The following SLCO2B1 variants were observed in gnomAD, a reference collection of about 807,000 sequenced individuals.
SLCO2B1 encodes OATP-RP2.
In SLCO2B1, 41 loss-of-function variants were observed where a neutral mutation model predicts 67.3. That is an observed-to-expected ratio of 0.61 (90% CI 0.47 to 0.79). The LOEUF is 0.79. Ranked by LOEUF, SLCO2B1 falls within the 30% of genes least tolerant of loss-of-function variation. SLCO2B1 has a pLI of 0.00. For synonymous variants in SLCO2B1, 379 were observed against 381.4 expected (o/e 0.99, Z 0.07); for missense variants, 837 against 920.1 (o/e 0.91, Z 1.17).
intron 7 of SLCO2B1, among the ~76,000 whole-genome samples, chr11:75,181,536 C>T (rs1393785903): frequency 6.6e-6 from 1 of 152,190 alleles, no homozygotes; most frequent in African/African-American, 2.4e-5. Context: ...GAACCCGAGG[C>T]TGGCAGAGGG....
Position 75,196,444 on chromosome 11 carries a change from C to G in SLCO2B1, c.1434-70C>G, listed in dbSNP as rs539510429. On this transcript the variant is annotated intron_variant, in intron 9 of 13. Coordinates refer to ENST00000289575, the MANE Select transcript of SLCO2B1 (RefSeq NM_007256.5). ...TGGCCATTGCTCTCGGCTACAGGGC[C>G]GAGGATGCCCCAGCTAGTGGCCTAA... 1.6e-4 allele frequency: 243 copies of G among 1,507,124 alleles called. No homozygotes were observed. In the African/African-American group the frequency reaches 2.7e-3, roughly 17 times the overall value. 93.4% of individuals were successfully genotyped at this position (1,507,124 alleles called of 1,614,324 possible).
At chr11:75,177,199 C>T (rs942176784) in intron 7 of SLCO2B1, among the ~76,000 whole-genome samples, 1 of 152,068 alleles carries the variant, frequency 6.6e-6, no homozygotes, top group African/African-American at 2.4e-5. Flanking sequence ...CACACACACA[C>T]TTCAGTCCAA....
rs989634029 is a variant in SLCO2B1 at position 75,197,825 on chromosome 11, T to C, written c.1599+1146T>C. ...CAGTGGGGAAATGAAGGCAATGTAA[T>C]CAGCAGCAGTGCATTCTGAATCTTA... On this transcript the variant is annotated intron_variant, in intron 10 of 13. Coordinates refer to ENST00000289575, the MANE Select transcript of SLCO2B1 (RefSeq NM_007256.5). 2.6e-5 allele frequency among the ~76,000 whole-genome samples: 4 copies of C among 152,194 alleles called. No homozygotes were observed. In the South Asian group the frequency reaches 8.3e-4, roughly 32 times the overall value.
chr11:75,163,759 C>T (rs1449423005), intron 2 of SLCO2B1, among the ~76,000 whole-genome samples: 1 of 151,914 alleles, frequency 6.6e-6, no homozygotes, highest in Non-Finnish European at 1.5e-5. Context: ...TCTTCCCTTT[C>T]TCTCTTTCTC....
intron 4 of SLCO2B1, among the ~76,000 whole-genome samples, chr11:75,167,792 T>A (rs188933273): frequency 1.3e-5 from 2 of 152,236 alleles, no homozygotes; most frequent in Admixed American, 1.3e-4. Flanking sequence ...GGGGAGGAAC[T>A]GCCCCAAGGA....
intron 7 of SLCO2B1, among the ~76,000 whole-genome samples, chr11:75,173,056 G>A (rs1235737754): frequency 6.6e-6 from 1 of 152,136 alleles, no homozygotes; most frequent in Non-Finnish European, 1.5e-5. Flanking sequence ...GAGACCCAGA[G>A]CCAGTGTTGG....
intron 9 of SLCO2B1, 112 bp from the exon 10 acceptor site, chr11:75,196,402 T>G: frequency 9.3e-7 from 1 of 1,072,438 alleles, no homozygotes; most frequent in Non-Finnish European, 1.3e-6. Flanking sequence ...AAATCCTCTG[T>G]GTGGAGCTGA....
Position 75,193,108 on chromosome 11 carries a change from G to T in SLCO2B1, c.1076-110G>T. On this transcript the variant is annotated intron_variant, in intron 8 of 13. Coordinates refer to ENST00000289575, the MANE Select transcript of SLCO2B1 (RefSeq NM_007256.5). The surrounding 1 kb of genome is among the most constrained non-coding windows in gnomAD (Gnocchi z 4.2). ...GATTGCAATAGAATTAAGTGGAATG[G>T]GGCGGGTTAGAAGAAATGGAACTGC... The T allele has an allele frequency of 1.3e-6, 1 of 743,118 alleles. No individual in the cohort carries two copies. Among genetic ancestry groups the T allele is most frequent in the Non-Finnish European group, 2.2e-6 (1 of 447,748 alleles). 46.0% of individuals were successfully genotyped at this position (743,118 alleles called of 1,614,324 possible).
At position 75,203,417 on chromosome 11, in the gene SLCO2B1, C is replaced by T; in HGVS notation, c.1939C>T (p.Leu647Phe). The T allele has an allele frequency of 3.7e-6, 6 of 1,614,156 alleles. 1 individual carries two copies. In the South Asian group the frequency reaches 6.6e-5, roughly 18 times the overall value. The change falls in exon 13 of 14, where the codon CTC (leucine) becomes TTC (phenylalanine). Residue 647 changes from leucine (L) to phenylalanine (F), a missense_variant. Transcript: ENST00000289575. The stretch of plus-strand genomic sequence containing the variant: ...CTGTCGCTACTACAATAATGACCTG[C>T]TCCGAAACCGGTGAGACCTGGTTTG... ...AVCRYYNNDL[L>F]RNRFIGLQFF...
chr11:75,191,774 G>T (rs1403223894), intron 8 of SLCO2B1, among the ~76,000 whole-genome samples: 2 of 152,212 alleles, frequency 1.3e-5, no homozygotes, highest in African/African-American at 4.8e-5. Flanking sequence ...CTTGCCTACT[G>T]CAGGCAGAAA....
At chr11:75,196,264 C>A (rs755268998) in intron 9 of SLCO2B1, 2 of 504,192 alleles carry the variant, frequency 4.0e-6, no homozygotes, top group Non-Finnish European at 3.5e-6. Flanking sequence ...GTAGAAGGGT[C>A]ACTGAGGTGC....
chr11:75,164,571 C>A lies in SLCO2B1; in HGVS notation c.285+471C>A, dbSNP rs575033166. Among the ~76,000 whole-genome samples, 6 of 152,128 alleles carry A rather than the reference C, an allele frequency of 3.9e-5. No homozygotes were observed. In the East Asian group the frequency reaches 1.2e-3, roughly 30 times the overall value. The stretch of plus-strand genomic sequence containing the variant: ...TGGGGATTCACAGGCCTGTGGGGCC[C>A]GCAGCCAAGCAGGGAGGAGCAGATG... On this transcript the variant is annotated intron_variant, in intron 3 of 13. Coordinates refer to ENST00000289575, the MANE Select transcript of SLCO2B1 (RefSeq NM_007256.5).
Position 75,151,206 on chromosome 11 carries a change from G to C in SLCO2B1, c.-176G>C, listed in dbSNP as rs1267959208. The stretch of plus-strand genomic sequence containing the variant: ...TGTGTCTGGACAAGTCTGATGTCCT[G>C]TGTGGCCCAAGAAGAACTGACCCCG... On this transcript the variant is annotated 5_prime_UTR_variant, in exon 1 of 14. Coordinates refer to ENST00000289575, the MANE Select transcript of SLCO2B1 (RefSeq NM_007256.5). 21 of 613,098 alleles carry C rather than the reference G, an allele frequency of 3.4e-5. No individual in the cohort carries two copies. The East Asian group carries it at 5.8e-4, about 17-fold the overall frequency. 38.0% of individuals were successfully genotyped at this position (613,098 alleles called of 1,614,324 possible). A position where few individuals can be genotyped will look rare whatever the true frequency, so the allele number is the denominator to read the frequency against.
At chr11:75,159,898 G>A in intron 1 of SLCO2B1, 1 of 983,882 alleles carries the variant, frequency 1.0e-6, no homozygotes, top group Non-Finnish European at 1.2e-6. Context: ...GAGATCACCT[G>A]AGGCAGGTGA....
intron 7 of SLCO2B1, among the ~76,000 whole-genome samples, chr11:75,179,590 G>A (rs1268083589): frequency 6.6e-6 from 1 of 152,118 alleles, no homozygotes; most frequent in East Asian, 1.9e-4. Flanking sequence ...GGTAAATGGG[G>A]TATCCAACAC....
Position 75,193,100 on chromosome 11 carries a change from G to A in SLCO2B1, c.1076-118G>A. ...ATAAAATTGATTGCAATAGAATTAA[G>A]TGGAATGGGGCGGGTTAGAAGAAAT... On this transcript the variant is annotated intron_variant, in intron 8 of 13. Transcript: ENST00000289575. This position sits in a 1 kb window ranked among gnomAD's most constrained non-coding sequence, Gnocchi z 4.2. 1 of 705,148 alleles carries A rather than the reference G, an allele frequency of 1.4e-6. No individual in the cohort carries two copies. Among genetic ancestry groups the A allele is most frequent in the Non-Finnish European group, 2.4e-6 (1 of 417,678 alleles). The allele number at this position is 705,148 out of a possible 1,614,324, so 43.7% of individuals were successfully genotyped here.
intron 11 of SLCO2B1, chr11:75,200,717 C>T: frequency 4.3e-6 from 1 of 230,084 alleles, no homozygotes; most frequent in Non-Finnish European, 8.4e-6. Context: ...GGGCCCTGTC[C>T]TGGCCTCTGG....
At chr11:75,179,217 G>GTTT (rs1296670725) in intron 7 of SLCO2B1, among the ~76,000 whole-genome samples, 5 of 99,566 alleles carry the variant, frequency 5.0e-5, no homozygotes, top group Non-Finnish European at 4.0e-5. Context: ...GGATACATGA[G>GTTT]ATTTTTTTTT....
intron 2 of SLCO2B1, 131 bp from the exon 3 acceptor site, chr11:75,163,832 T>C: frequency 9.5e-7 from 1 of 1,048,116 alleles, no homozygotes; most frequent in Non-Finnish European, 1.4e-6. Flanking sequence ...TGTTGGTCAC[T>C]CTCCCGCCCT....
Sources: allele counts gnomAD v4.1 joint callset (sites outside exome capture counted in the v4.1 genomes callset), GRCh38; gene constraint gnomAD v4.1.1; non-coding constraint Gnocchi (gnomAD v3.1); transcripts MANE v1.5; gene names NCBI Gene and HGNC (gene_info 2026-07-23, HGNC 2026-07-21).